Variants in ZNF730 observed in about 807,000 individuals in gnomAD.
ZNF730 encodes putative zinc finger protein 730.
ZNF730 carries 12 observed loss-of-function variants against 12.6 expected under a neutral mutation model. The ratio of observed to expected loss-of-function variants is 0.95; its 90% CI spans 0.61 to 1.54. The LOEUF (loss-of-function observed/expected upper bound fraction) is 1.54, where lower values mean the gene tolerates loss of function less well. Among genes scored for constraint, ZNF730 ranks in the 40% most tolerant of loss-of-function variants. The pLI, the probability that ZNF730 is intolerant of heterozygous loss-of-function variation, is 0.00. For synonymous variants in ZNF730, 194 were observed against 195.8 expected (o/e 0.99, Z 0.08); for missense variants, 643 against 583.5 (o/e 1.10, Z -1.05).
chr19:23,121,303 A>C (rs536238283), intron 1 of ZNF730, among the ~76,000 whole-genome samples: 2 of 151,882 alleles, frequency 1.3e-5, no homozygotes, highest in South Asian at 4.1e-4. Flanking sequence ...TGTAGGAGTC[A>C]GAATCTAAAT....
At chr19:23,111,763 T>G (rs1599584567) in intron 1 of ZNF730, among the ~76,000 whole-genome samples, 1 of 148,760 alleles carries the variant, frequency 6.7e-6, no homozygotes, top group Admixed American at 6.8e-5. Context: ...AAAAAAAAGA[T>G]AGATACAGTA....
At chr19:23,077,778 C>T (rs1053682958) in intron 1 of ZNF730, among the ~76,000 whole-genome samples, 2 of 152,192 alleles carry the variant, frequency 1.3e-5, no homozygotes, top group Non-Finnish European at 2.9e-5. Flanking sequence ...GTTACTGTGT[C>T]TGTGTAGAAA....
At chr19:23,142,757 T>C (rs1970941823) in intron 3 of ZNF730, among the ~76,000 whole-genome samples, 1 of 151,934 alleles carries the variant, frequency 6.6e-6, no homozygotes, top group Admixed American at 6.6e-5. Flanking sequence ...TAAATAATTT[T>C]ATGAAAGAGA....
rs187073372 is a variant in ZNF730, at chr19:23,125,239, A to G, written c.3+8063A>G. 2.3e-3 allele frequency among the ~76,000 whole-genome samples: 356 copies of G among 152,226 alleles called. 1 individual carries two copies. The highest frequency in any genetic ancestry group is 4.6e-3 in the Admixed American group (70 of 15,278). On this transcript the variant is annotated intron_variant, in intron 1 of 3. Transcript: ENST00000597761. Reference sequence around the variant, plus strand: ...ATCAGCAGTGTGAGAACAGACTAATACAAAAAATTGTTACCAGTAGAGCCG... The same window carrying G: ...ATCAGCAGTGTGAGAACAGACTAATGCAAAAAATTGTTACCAGTAGAGCCG...
chr19:23,107,626 G>A (rs1009888799), intron 1 of ZNF730, among the ~76,000 whole-genome samples: 5 of 151,358 alleles, frequency 3.3e-5, no homozygotes, highest in Admixed American at 6.6e-5. Context: ...TACTTGGTAA[G>A]AATTCATTAA....
At chr19:23,141,410 A>G (rs573423326) in intron 3 of ZNF730, among the ~76,000 whole-genome samples, 1 of 152,022 alleles carries the variant, frequency 6.6e-6, no homozygotes, top group East Asian at 1.9e-4. Context: ...AAAAAAAACA[A>G]TTTTAAAATA....
chr19:23,107,132 G>C (rs1313715890), intron 1 of ZNF730, among the ~76,000 whole-genome samples: 4 of 147,720 alleles, frequency 2.7e-5, no homozygotes, highest in Non-Finnish European at 5.9e-5. Context: ...GTGCATTCCT[G>C]GCTCACTGAA....
chr19:23,123,783 CT>C, intron 1 of ZNF730: 1 of 153,532 alleles, frequency 6.5e-6, no homozygotes, highest in East Asian at 1.9e-4. Context: ...CTTATTTTTT[CT>C]TTCAATATAA....
intron 1 of ZNF730, among the ~76,000 whole-genome samples, chr19:23,085,851 T>C (rs1970054453): frequency 9.1e-6 from 1 of 109,424 alleles, no homozygotes; most frequent in African/African-American, 3.9e-5. Flanking sequence ...TTTTTTTTTT[T>C]TTTTTTTTTT....
intron 3 of ZNF730, among the ~76,000 whole-genome samples, chr19:23,144,699 T>TAAAAAAAAAAAAAA (rs1599603602): frequency 1.3e-4 from 1 of 7,848 alleles, no homozygotes; most frequent in African/African-American, 1.9e-4. Flanking sequence ...GACTCTTGTC[T>TAAAAAAAAAAAAAA]CAAAAAAAAA....
At chr19:23,129,477 G>T (rs992578349) in intron 1 of ZNF730, among the ~76,000 whole-genome samples, 1 of 151,904 alleles carries the variant, frequency 6.6e-6, no homozygotes, top group African/African-American at 2.4e-5. Flanking sequence ...AGATTTGACT[G>T]CCCTGCTTGA....
intron 1 of ZNF730, among the ~76,000 whole-genome samples, chr19:23,088,269 C>G (rs1259483247): frequency 6.6e-6 from 1 of 151,998 alleles, no homozygotes; most frequent in Non-Finnish European, 1.5e-5. Flanking sequence ...ATCTGCCCGC[C>G]TTGGCCTCCC....
chr19:23,087,996 G>A (rs1402989833), intron 1 of ZNF730, among the ~76,000 whole-genome samples: 2 of 151,828 alleles, frequency 1.3e-5, no homozygotes, highest in African/African-American at 4.8e-5. Flanking sequence ...ATGAAAGAGG[G>A]CATCCTTGTC....
At chr19:23,101,284 C>T (rs553958739) in intron 1 of ZNF730, among the ~76,000 whole-genome samples, 21 of 152,096 alleles carry the variant, frequency 1.4e-4, no homozygotes, top group African/African-American at 4.6e-4. Context: ...TTGACTCTCA[C>T]GTGGATCTGG....
At chr19:23,093,681 T>TAGC (rs1456966384) in intron 1 of ZNF730, among the ~76,000 whole-genome samples, 1 of 152,092 alleles carries the variant, frequency 6.6e-6, no homozygotes, top group Non-Finnish European at 1.5e-5. Flanking sequence ...GGCCCAGAGG[T>TAGC]AGCCGTCTTG....
At chr19:23,112,703 A>T (rs1253973321), upstream of ZNF730, among the ~76,000 whole-genome samples, 5 of 151,606 alleles carry the variant, frequency 3.3e-5, no homozygotes, top group East Asian at 9.7e-4. Flanking sequence ...AGGCTGGGCT[A>T]CAGAGCGAGA....
chr19:23,126,012 A>G (rs1970661129), intron 1 of ZNF730, among the ~76,000 whole-genome samples: 2 of 152,228 alleles, frequency 1.3e-5, no homozygotes, highest in Admixed American at 1.3e-4. Context: ...TTCAGAAATC[A>G]TAAAGATTAC....
chr19:23,088,639 A>G (rs528347199), intron 1 of ZNF730, among the ~76,000 whole-genome samples: 116 of 149,312 alleles, frequency 7.8e-4, no homozygotes, highest in Non-Finnish European at 1.3e-3. Flanking sequence ...AATTTTTTGT[A>G]TTTTTAGTAG....
At chr19:23,107,356 G>GT (rs1484418240) in intron 1 of ZNF730, among the ~76,000 whole-genome samples, 3 of 133,288 alleles carry the variant, frequency 2.3e-5, no homozygotes, top group Non-Finnish European at 4.6e-5. Context: ...CACCTGGCCT[G>GT]TTTTTTCAAT....
Sources: gnomAD v4.1 joint callset for allele counts (sites outside exome capture counted in the v4.1 genomes callset) on GRCh38, gnomAD v4.1.1 for gene constraint, MANE v1.5 for transcripts, NCBI Gene and HGNC (gene_info 2026-07-23, HGNC 2026-07-21) for gene names.